GPR39: variants seen among roughly 807,000 people sequenced by gnomAD.
The protein encoded by GPR39 is zinc sensing receptor.
In GPR39, 23 loss-of-function variants were observed where a neutral mutation model predicts 18.4. The observed-to-expected ratio is 1.25, with a 90% CI of 0.90 to 1.77. The LOEUF is 1.77. Among genes scored for constraint, GPR39 ranks in the 40% most tolerant of loss-of-function variants. The pLI, the probability that GPR39 is intolerant of heterozygous loss-of-function variation, is 0.00. For synonymous variants in GPR39, 280 were observed against 257.9 expected (o/e 1.09, Z -0.82); for missense variants, 647 against 602.4 (o/e 1.07, Z -0.78).
chr2:132,532,549 G>T (rs1264408321), intron 1 of GPR39, among the ~76,000 whole-genome samples: 1 of 152,054 alleles, frequency 6.6e-6, no homozygotes, highest in Non-Finnish European at 1.5e-5. Context: ...CCAAAAAAGA[G>T]AATTTTAGAC....
intron 1 of GPR39, among the ~76,000 whole-genome samples, chr2:132,582,393 A>G (rs560657276): frequency 6.6e-6 from 1 of 152,336 alleles, no homozygotes; most frequent in East Asian, 1.9e-4. Flanking sequence ...GTGATTTGCA[A>G]TGTGCCTTTC....
intron 1 of GPR39, among the ~76,000 whole-genome samples, chr2:132,464,367 G>A (rs112130520): frequency 1.7e-4 from 26 of 152,200 alleles, no homozygotes; most frequent in Non-Finnish European, 3.8e-4. Flanking sequence ...CCTATGACGG[G>A]CATCTGGGAA....
At chr2:132,559,216 A>G (rs1028452716) in intron 1 of GPR39, among the ~76,000 whole-genome samples, 13 of 152,218 alleles carry the variant, frequency 8.5e-5, no homozygotes, top group Admixed American at 6.5e-5. Flanking sequence ...GTTGGGATCC[A>G]GGATCGGAAC....
intron 1 of GPR39, among the ~76,000 whole-genome samples, chr2:132,624,791 A>G (rs1454004115): frequency 6.6e-6 from 1 of 152,200 alleles, no homozygotes; most frequent in East Asian, 1.9e-4. Flanking sequence ...AGTGTATAGT[A>G]TGTCGTTGCG....
chr2:132,422,329 A>G (rs16831461), intron 1 of GPR39, among the ~76,000 whole-genome samples: 7,309 of 152,166 alleles, frequency 0.048, 589 homozygotes, highest in African/African-American at 0.16. Context: ...CTTCCTTTTC[A>G]TTGACTTCAT....
chr2:132,471,956 C>T (rs1029371569), intron 1 of GPR39, among the ~76,000 whole-genome samples: 7 of 152,166 alleles, frequency 4.6e-5, no homozygotes, highest in African/African-American at 1.7e-4. Flanking sequence ...GACCAATGTT[C>T]TTTCCCATGT....
At chr2:132,491,938 GAAT>G (rs1374290195) in intron 1 of GPR39, among the ~76,000 whole-genome samples, 2 of 151,614 alleles carry the variant, frequency 1.3e-5, no homozygotes, top group Non-Finnish European at 2.9e-5. Context: ...AGAGCACTCA[GAAT>G]AGTACCTAGC....
chr2:132,542,481 G>A (rs113889049), intron 1 of GPR39, among the ~76,000 whole-genome samples: 21 of 152,280 alleles, frequency 1.4e-4, no homozygotes, highest in Non-Finnish European at 2.9e-4. Flanking sequence ...GGCCCCTTCT[G>A]CTAGAAAATA....
intron 1 of GPR39, among the ~76,000 whole-genome samples, chr2:132,610,153 C>T (rs1681215152): frequency 6.6e-6 from 1 of 152,056 alleles, no homozygotes; most frequent in Non-Finnish European, 1.5e-5. Flanking sequence ...ATAGGAATAC[C>T]TCACCCTTTT....
chr2:132,544,207 T>A (rs1679905051), intron 1 of GPR39, among the ~76,000 whole-genome samples: 1 of 152,208 alleles, frequency 6.6e-6, no homozygotes, highest in African/African-American at 2.4e-5. Context: ...CTGGCTTGCC[T>A]GGGAGACTGT....
intron 1 of GPR39, among the ~76,000 whole-genome samples, chr2:132,511,900 A>G (rs954951037): frequency 4.5e-5 from 5 of 111,428 alleles, no homozygotes; most frequent in African/African-American, 1.6e-4. Context: ...CTATACATTG[A>G]ACCACTGTGC....
chr2:132,603,295 T>A (rs547502777), intron 1 of GPR39, among the ~76,000 whole-genome samples: 30 of 152,302 alleles, frequency 2.0e-4, no homozygotes, highest in African/African-American at 7.0e-4. Context: ...AAGTACCACA[T>A]GTTCTCACTC....
chr2:132,597,588 A>G (rs1376436209), intron 1 of GPR39, among the ~76,000 whole-genome samples: 1 of 152,232 alleles, frequency 6.6e-6, no homozygotes, highest in East Asian at 1.9e-4. Flanking sequence ...CACTCTTGGA[A>G]GCCCTGCCTC....
chr2:132,624,772 G>A (rs1295824097), intron 1 of GPR39, among the ~76,000 whole-genome samples: 1 of 152,232 alleles, frequency 6.6e-6, no homozygotes, highest in Non-Finnish European at 1.5e-5. Context: ...GATCCTCACT[G>A]CTGTGTGCAG....
At chr2:132,534,121 A>G (rs565173173) in intron 1 of GPR39, among the ~76,000 whole-genome samples, 4 of 152,356 alleles carry the variant, frequency 2.6e-5, no homozygotes, top group East Asian at 1.9e-4. Context: ...TGCAGAATCT[A>G]TAATGAACTC....
chr2:132,506,780 C>A (rs1679142282), intron 1 of GPR39, among the ~76,000 whole-genome samples: 1 of 152,162 alleles, frequency 6.6e-6, no homozygotes. Flanking sequence ...AGGGGAACTA[C>A]AATTCAAGAT....
chr2:132,578,538 A>G (rs1680567894), intron 1 of GPR39, among the ~76,000 whole-genome samples: 1 of 152,090 alleles, frequency 6.6e-6, no homozygotes, highest in Non-Finnish European at 1.5e-5. Flanking sequence ...TGCAAATTTA[A>G]TTTCCTTAAT....
At chr2:132,555,478 A>C (rs1680133555) in intron 1 of GPR39, among the ~76,000 whole-genome samples, 1 of 152,134 alleles carries the variant, frequency 6.6e-6, no homozygotes, top group South Asian at 2.1e-4. Flanking sequence ...CACTCACGCA[A>C]CTGGCAAGTT....
At chr2:132,569,754 C>G (rs1205115982) in intron 1 of GPR39, among the ~76,000 whole-genome samples, 3 of 151,990 alleles carry the variant, frequency 2.0e-5, no homozygotes, top group Non-Finnish European at 4.4e-5. Flanking sequence ...GTGGGAGGGA[C>G]CCAGTGGGAG....
Sources: gnomAD v4.1 joint callset for allele counts (sites outside exome capture counted in the v4.1 genomes callset) on GRCh38, gnomAD v4.1.1 for gene constraint, MANE v1.5 for transcripts, NCBI Gene and HGNC (gene_info 2026-07-23, HGNC 2026-07-21) for gene names.